HIVEP3: variants seen among roughly 807,000 people sequenced by gnomAD.
HIVEP3 encodes transcription factor HIVEP3.
In HIVEP3, 49 loss-of-function variants were observed where a neutral mutation model predicts 152.8. That is an observed-to-expected ratio of 0.32 (90% CI 0.26 to 0.41). The LOEUF is 0.41. HIVEP3 is among the 10% of genes least tolerant of loss of function. The pLI, the probability that HIVEP3 is intolerant of heterozygous loss-of-function variation, is 1.00. For missense variants in HIVEP3, 2,790 were observed against 3,103.3 expected (o/e 0.90, Z 2.40); for synonymous variants, 1,269 against 1,289.0 (o/e 0.98, Z 0.33).
Position 41,873,590 on chromosome 1 carries a change from G to C in HIVEP3, c.-801+44823C>G, listed in dbSNP as rs1049377706. 6.6e-6 allele frequency among the ~76,000 whole-genome samples: 1 copy of C among 152,210 alleles called. No individual in the cohort carries two copies. The highest frequency in any genetic ancestry group is 6.5e-5 in the Admixed American group (1 of 15,288). ...TTCCCAAGACACTAAGCTGAAATTA[G>C]ATAAATTTAGGTTTTCTGTATTCTC... is the stretch of plus-strand genomic sequence containing the variant. On this transcript the variant is annotated intron_variant, in intron 1 of 8. Coordinates refer to ENST00000372583, the MANE Select transcript of HIVEP3 (RefSeq NM_024503.5). The surrounding 1 kb of genome is among the most constrained non-coding windows in gnomAD (Gnocchi z 4.2).
At chr1:41,910,719 A>G (rs905170295) in intron 1 of HIVEP3, among the ~76,000 whole-genome samples, 3 of 152,052 alleles carry the variant, frequency 2.0e-5, no homozygotes, top group African/African-American at 7.2e-5. Context: ...TTTACCAGAT[A>G]TTAACAAATT....
At chr1:42,010,486 T>G (rs1454414498) in intron 1 of HIVEP3, among the ~76,000 whole-genome samples, 2 of 152,178 alleles carry the variant, frequency 1.3e-5, no homozygotes, top group Non-Finnish European at 2.9e-5. Context: ...TGTGCAGAGA[T>G]TCTTCTCTTT....
chr1:41,512,820 G>T lies in HIVEP3; in HGVS notation c.6401C>A (p.Pro2134Gln). ...LSRSPETCASPWQKAESRSPS... is the reference protein window; with the variant it reads ...LSRSPETCASQWQKAESRSPS... ...CCACCAGGGGCAGGAACTCACCCAC[G>T]GGGAGGCGCAGGTCTCTGGGCTTCT... is the stretch of plus-strand genomic sequence containing the variant. The change falls in exon 8 of 9, where the codon CCG becomes CAG. Residue 2134 changes from proline (P) to glutamine (Q), a missense_variant. Around this residue, in one of 9 missense-constraint regions of HIVEP3, gnomAD observed 816 missense variants for 806.5 expected, o/e 1.01. Coordinates refer to ENST00000372583, the MANE Select transcript of HIVEP3 (RefSeq NM_024503.5). The T allele has an allele frequency of 6.7e-7, 1 of 1,493,444 alleles. No homozygotes were observed. Among genetic ancestry groups the T allele is most frequent in the Non-Finnish European group, 9.0e-7 (1 of 1,117,292 alleles). 92.5% of individuals were successfully genotyped at this position (1,493,444 alleles called of 1,614,324 possible). A position where few individuals can be genotyped will look rare whatever the true frequency, so the allele number is the denominator to read the frequency against.
At chr1:42,003,926 C>T (rs575671681) in intron 1 of HIVEP3, among the ~76,000 whole-genome samples, 1 of 152,128 alleles carries the variant, frequency 6.6e-6, no homozygotes, top group Non-Finnish European at 1.5e-5. Context: ...TTCTGTCTCA[C>T]AAATTTTGCC....
chr1:41,767,904 C>G (rs1455579591), intron 1 of HIVEP3, among the ~76,000 whole-genome samples: 1 of 152,232 alleles, frequency 6.6e-6, no homozygotes, highest in East Asian at 1.9e-4. Flanking sequence ...GCTCAGGATT[C>G]ATTTTTACCT....
chr1:41,779,672 T>A (rs1476261052), intron 1 of HIVEP3, among the ~76,000 whole-genome samples: 1 of 152,212 alleles, frequency 6.6e-6, no homozygotes, highest in African/African-American at 2.4e-5. Flanking sequence ...ATTTTTGTAT[T>A]TTTTAGTAGA....
chr1:41,801,976 C>T (rs1032219614), intron 1 of HIVEP3, among the ~76,000 whole-genome samples: 1 of 152,152 alleles, frequency 6.6e-6, no homozygotes. Context: ...ACAGGTCCTA[C>T]TGGGACACCA....
intron 1 of HIVEP3, among the ~76,000 whole-genome samples, chr1:41,767,292 G>A (rs1016438455): frequency 1.3e-4 from 20 of 152,290 alleles, no homozygotes; most frequent in Admixed American, 1.3e-3. Flanking sequence ...CACTGTGCTG[G>A]GGATTAAAGA....
chr1:41,869,969 G>A (rs192674566), intron 1 of HIVEP3, among the ~76,000 whole-genome samples: 9 of 152,280 alleles, frequency 5.9e-5, no homozygotes, highest in Admixed American at 3.3e-4. Context: ...CAAGTAACAC[G>A]TTTGGAGGAC....
chr1:41,725,564 A>G (rs1646740200), intron 1 of HIVEP3, among the ~76,000 whole-genome samples: 1 of 152,240 alleles, frequency 6.6e-6, no homozygotes. Context: ...ATGAATGGGC[A>G]GAAGCTGGGA....
At chr1:41,661,562 G>T (rs1182163443) in intron 2 of HIVEP3, among the ~76,000 whole-genome samples, 1 of 152,224 alleles carries the variant, frequency 6.6e-6, no homozygotes, top group Non-Finnish European at 1.5e-5. Context: ...ATTATGCCGG[G>T]AGGAGGGGCT....
intron 1 of HIVEP3, among the ~76,000 whole-genome samples, chr1:41,884,967 CTG>C (rs1277692652): frequency 7.2e-5 from 11 of 152,214 alleles, no homozygotes; most frequent in Admixed American, 1.3e-4. Flanking sequence ...CTAAGTCTGA[CTG>C]TGGAATTTTG....
chr1:41,978,119 T>C (rs1645271426), intron 1 of HIVEP3, among the ~76,000 whole-genome samples: 1 of 152,202 alleles, frequency 6.6e-6, no homozygotes, highest in Admixed American at 6.5e-5. Context: ...AATTATAGAA[T>C]GTATTAGTTT....
At chr1:41,623,174 AG>A (rs1290484153) in intron 3 of HIVEP3, among the ~76,000 whole-genome samples, 1 of 152,206 alleles carries the variant, frequency 6.6e-6, no homozygotes, top group East Asian at 1.9e-4. Context: ...AATCCTCTAA[AG>A]GAGAAAATCT....
intron 1 of HIVEP3, among the ~76,000 whole-genome samples, chr1:41,903,989 T>C (rs1196927519): frequency 6.6e-6 from 1 of 151,160 alleles, no homozygotes; most frequent in Non-Finnish European, 1.5e-5. Context: ...AGCCACCTCC[T>C]GGGTTCAAGT....
At chr1:41,726,094 T>C (rs997431140) in intron 1 of HIVEP3, among the ~76,000 whole-genome samples, 12 of 152,266 alleles carry the variant, frequency 7.9e-5, no homozygotes, top group African/African-American at 2.9e-4. Context: ...CAATTCATTA[T>C]GCTTGAGTAT....
intron 1 of HIVEP3, among the ~76,000 whole-genome samples, chr1:41,846,154 C>G (rs1011132671): frequency 5.3e-5 from 8 of 152,198 alleles, no homozygotes; most frequent in Admixed American, 5.2e-4. Context: ...CATCTTAATA[C>G]AAATTTTTCA....
intron 1 of HIVEP3, among the ~76,000 whole-genome samples, chr1:41,987,175 A>C (rs1645328683): frequency 6.6e-6 from 1 of 152,214 alleles, no homozygotes; most frequent in Non-Finnish European, 1.5e-5. Flanking sequence ...ATAGTGATAA[A>C]TCTATAAACA....
chr1:41,647,655 A>C (rs7539032), intron 2 of HIVEP3, among the ~76,000 whole-genome samples: 11,152 of 152,256 alleles, frequency 0.073, 734 homozygotes, highest in African/African-American at 0.18. Flanking sequence ...AGCAGGGGGA[A>C]CATAGGGATC....
Sources: gnomAD v4.1 joint callset for allele counts (sites outside exome capture counted in the v4.1 genomes callset) on GRCh38, gnomAD v4.1.1 for gene constraint, gnomAD v4.1.1 regional missense constraint, Gnocchi (gnomAD v3.1) non-coding constraint, MANE v1.5 for transcripts, NCBI Gene and HGNC (gene_info 2026-07-23, HGNC 2026-07-21) for gene names.